Variants in CAPZA2 observed in about 807,000 individuals in gnomAD.
CAPZA2 encodes capping actin protein of muscle Z-line subunit alpha 2, also known as F-actin-capping protein subunit alpha-2.
CAPZA2 carries 13 observed loss-of-function variants against 44.0 expected under a neutral mutation model. That is an observed-to-expected ratio of 0.30 (90% CI 0.19 to 0.47). CAPZA2 has a LOEUF of 0.47. Ranked by LOEUF, CAPZA2 falls within the 20% of genes least tolerant of loss-of-function variation. CAPZA2 has a pLI of 1.00. For synonymous variants in CAPZA2, 94 were observed against 108.2 expected, an observed-to-expected ratio of 0.87 and a Z score of 0.81; for missense variants, 244 against 338.6, an observed-to-expected ratio of 0.72 and a Z score of 2.19.
intron 1 of CAPZA2, among the ~76,000 whole-genome samples, chr7:116,868,794 T>A (rs12537847): frequency 0.027 from 4,136 of 152,300 alleles, 179 homozygotes; most frequent in African/African-American, 0.09. Context: ...AAGCTATTAA[T>A]GTGGACAATA....
chr7:116,874,442 A>G (rs1351709972), intron 1 of CAPZA2: 1 of 152,296 alleles, frequency 6.6e-6, no homozygotes, highest in African/African-American at 2.4e-5. Flanking sequence ...CCTCTTGATC[A>G]TACTAGAAAG....
chr7:116,901,913 A>G lies in CAPZA2; in HGVS notation c.220-2264A>G, dbSNP rs200246423. On this transcript the variant is annotated intron_variant, in intron 4 of 9. Transcript: ENST00000361183. Reference sequence around the variant, plus strand: ...TGTGTGTGTGTGTGTGTGTGTGTGTATGTGTGTATATATATATATGTATAT... The same window carrying G: ...TGTGTGTGTGTGTGTGTGTGTGTGTGTGTGTGTATATATATATATGTATAT... 1.9e-3 allele frequency among the ~76,000 whole-genome samples: 134 copies of G among 69,050 alleles called. 1 individual carries two copies. Among genetic ancestry groups the G allele is most frequent in the African/African-American group, 4.0e-3 (76 of 19,174 alleles). 45.3% of individuals were successfully genotyped at this position (69,050 alleles called of 152,430 possible). A position where few individuals can be genotyped will look rare whatever the true frequency, so the allele number is the denominator to read the frequency against.
intron 4 of CAPZA2, among the ~76,000 whole-genome samples, chr7:116,903,233 A>AGAGTGTGTGTGTGTGTGT (rs372696249): frequency 2.9e-4 from 43 of 146,436 alleles, no homozygotes; most frequent in African/African-American, 9.7e-4. Flanking sequence ...TGCAGAGAAG[A>AGAGTGTGTGTGTGTGTGT]GTGTGTGTGT....
chr7:116,892,873 A>G (rs1267754009), intron 2 of CAPZA2, 121 bp from the exon 3 acceptor site: 2 of 446,670 alleles, frequency 4.5e-6, no homozygotes, highest in East Asian at 3.7e-5. Context: ...GTCATGAGTG[A>G]TATTTTGATC....
intron 7 of CAPZA2, 66 bp from the exon 8 acceptor site, chr7:116,912,003 T>C (rs1791603508): frequency 6.3e-7 from 1 of 1,599,376 alleles, no homozygotes; most frequent in Admixed American, 1.7e-5. Context: ...ATTGATATGC[T>C]TGTTGACGCA....
At chr7:116,891,604 C>T (rs576752511) in intron 2 of CAPZA2, among the ~76,000 whole-genome samples, 35 of 152,190 alleles carry the variant, frequency 2.3e-4, no homozygotes, top group Admixed American at 7.9e-4. Context: ...CTCCGCCTCC[C>T]GGGTTCACGC....
chr7:116,866,272 C>T (rs1462003032), intron 1 of CAPZA2, among the ~76,000 whole-genome samples: 2 of 151,736 alleles, frequency 1.3e-5, no homozygotes, highest in African/African-American at 2.4e-5. Flanking sequence ...CCTGGGTTCA[C>T]GCCATTCTCC....
chr7:116,893,112 G>C (rs1170997935), intron 3 of CAPZA2, 67 bp downstream of exon 3: 1 of 1,036,282 alleles, frequency 9.6e-7, no homozygotes. Flanking sequence ...CTTTAAAAGT[G>C]TGTGGGGGTT....
intron 9 of CAPZA2, among the ~76,000 whole-genome samples, chr7:116,917,143 AAAAT>A (rs1791690910): frequency 6.6e-6 from 1 of 152,192 alleles, no homozygotes; most frequent in Non-Finnish European, 1.5e-5. Flanking sequence ...CTGACATACT[AAAAT>A]AAATTCAAAA....
At chr7:116,898,268 T>C (rs1796952377) in intron 3 of CAPZA2, among the ~76,000 whole-genome samples, 1 of 151,154 alleles carries the variant, frequency 6.6e-6, no homozygotes, top group Non-Finnish European at 1.5e-5. Context: ...ATGTAATCTT[T>C]TTTTTTTTTT....
chr7:116,869,597 A>G (rs1328342038), intron 1 of CAPZA2, among the ~76,000 whole-genome samples: 1 of 152,220 alleles, frequency 6.6e-6, no homozygotes, highest in Non-Finnish European at 1.5e-5. Flanking sequence ...AGTGGTACAT[A>G]AAGTTATGCA....
chr7:116,892,493 C>T (rs1004083568), intron 2 of CAPZA2, among the ~76,000 whole-genome samples: 17 of 152,100 alleles, frequency 1.1e-4, no homozygotes, highest in African/African-American at 3.4e-4. Flanking sequence ...CAGACTTTAA[C>T]ATACCATATT....
intron 4 of CAPZA2, among the ~76,000 whole-genome samples, chr7:116,901,070 A>G (rs1028343425): frequency 2.0e-5 from 3 of 152,042 alleles, no homozygotes; most frequent in Non-Finnish European, 4.4e-5. Flanking sequence ...GTGGGAGTGT[A>G]TATTCAACTA....
At chr7:116,885,007 CT>C (rs1461081408) in intron 1 of CAPZA2, among the ~76,000 whole-genome samples, 1 of 152,146 alleles carries the variant, frequency 6.6e-6, no homozygotes, top group East Asian at 1.9e-4. Flanking sequence ...TATTAAGCAT[CT>C]TTTTGTGCAT....
chr7:116,881,825 A>G (rs906198083), intron 1 of CAPZA2, among the ~76,000 whole-genome samples: 12 of 150,798 alleles, frequency 8.0e-5, no homozygotes, highest in South Asian at 6.3e-4. Flanking sequence ...AACCAGAATC[A>G]CATTGAATTT....
At chr7:116,883,010 C>G (rs1796720546) in intron 1 of CAPZA2, among the ~76,000 whole-genome samples, 1 of 152,132 alleles carries the variant, frequency 6.6e-6, no homozygotes, top group Admixed American at 6.5e-5. Context: ...ACTAATAACT[C>G]TTTCGTGATT....
chr7:116,913,602 T>G (rs1791625224), intron 8 of CAPZA2, among the ~76,000 whole-genome samples: 1 of 152,062 alleles, frequency 6.6e-6, no homozygotes, highest in South Asian at 2.1e-4. Flanking sequence ...CTTGTTGATT[T>G]TTGTTGGTTT....
intron 4 of CAPZA2, among the ~76,000 whole-genome samples, chr7:116,902,616 T>C (rs1253497786): frequency 6.6e-6 from 1 of 152,182 alleles, no homozygotes. Context: ...ATATTAAAAA[T>C]TATAATACCT....
At chr7:116,878,964 A>G (rs918787065) in intron 1 of CAPZA2, among the ~76,000 whole-genome samples, 2 of 151,926 alleles carry the variant, frequency 1.3e-5, no homozygotes, top group African/African-American at 4.8e-5. Flanking sequence ...CATCTCTGCT[A>G]AAAATACAAA....
Sources: gnomAD v4.1 joint callset for allele counts (sites outside exome capture counted in the v4.1 genomes callset) on GRCh38, gnomAD v4.1.1 for gene constraint, MANE v1.5 for transcripts, NCBI Gene and HGNC (gene_info 2026-07-23, HGNC 2026-07-21) for gene names.